SVEP1: variants seen among roughly 807,000 people sequenced by gnomAD.
SVEP1 encodes the protein sushi, von Willebrand factor type A, EGF and pentraxin domain containing 1.
A neutral mutation model predicts 367.3 loss-of-function variants in SVEP1; 164 were observed. That is an observed-to-expected ratio of 0.45 (90% confidence interval 0.39 to 0.51). The LOEUF (loss-of-function observed/expected upper bound fraction) is 0.51. Among genes scored for constraint, SVEP1 ranks in the 20% least tolerant of loss-of-function variants. SVEP1 has a pLI of 0.00. For missense variants in SVEP1, 4,117 were observed against 4,425.3 expected (o/e 0.93, Z 1.98); for synonymous variants, 1,666 against 1,611.6 (o/e 1.03, Z -0.81).
chr9:110,514,861 A>G (rs1829780171), intron 3 of SVEP1, among the ~76,000 whole-genome samples: 1 of 152,218 alleles, frequency 6.6e-6, no homozygotes, highest in African/African-American at 2.4e-5. Context: ...TCTCTTAGCA[A>G]AGGAGAATAA....
At chr9:110,388,764 T>C (rs1486432052) in intron 41 of SVEP1, among the ~76,000 whole-genome samples, 1 of 151,660 alleles carries the variant, frequency 6.6e-6, no homozygotes, top group Non-Finnish European at 1.5e-5. Context: ...AAGCCGGGAG[T>C]TCGAGACCAG....
rs1828468308 is a variant in SVEP1, at chr9:110,438,667, TATTG to T, written c.4640-2167_4640-2164del. Reference sequence around the variant, plus strand: ...TACATAATTATACGTATGTTTGAATTATTGATTATTTCCATTAGATTGATTTCTG... The same window carrying T: ...TACATAATTATACGTATGTTTGAATTATTATTTCCATTAGATTGATTTCTG... On this transcript the variant is annotated intron_variant, in intron 27 of 47. Coordinates refer to ENST00000374469, the MANE Select transcript of SVEP1 (RefSeq NM_153366.4). 3.3e-5 allele frequency among the ~76,000 whole-genome samples: 5 copies of T among 152,328 alleles called. No homozygotes were observed. In the South Asian group the frequency reaches 1.0e-3, roughly 32 times the overall value.
intron 35 of SVEP1, 103 bp downstream of exon 35, chr9:110,429,040 G>C (rs1251062147): frequency 2.0e-6 from 2 of 1,007,504 alleles, no homozygotes; most frequent in East Asian, 5.4e-5. Context: ...CTGCACTCTA[G>C]CCTGAGTGTC....
At chr9:110,384,857 A>G (rs1042538931) in intron 43 of SVEP1, among the ~76,000 whole-genome samples, 28 of 152,332 alleles carry the variant, frequency 1.8e-4, no homozygotes, top group African/African-American at 6.3e-4. Flanking sequence ...ACATTCTTAC[A>G]CTATGCAGCC....
chr9:110,411,428 C>T lies in SVEP1; in HGVS notation c.6283G>A (p.Glu2095Lys), dbSNP rs1364606099. 1 of 1,614,044 alleles carries T rather than the reference C, an allele frequency of 6.2e-7. No homozygotes were observed. The highest frequency in any genetic ancestry group is 1.7e-5 in the Admixed American group (1 of 60,008). Reference sequence around the variant, plus strand: ...GCAAATTTTGCTTTGCTCACAGATTCCAAGATGCTATAGGAAACCGATGGA... The same window carrying T: ...GCAAATTTTGCTTTGCTCACAGATTTCAAGATGCTATAGGAAACCGATGGA... ...KPPSVSYSIL[E>K]SVSKAKFAAG... The change falls in exon 37 of 48, where the codon GAA (glutamate) becomes AAA (lysine). Residue 2095 changes from glutamate to lysine, a missense_variant. By Grantham distance (56) the Glu-to-Lys change is moderately conservative (BLOSUM62 1). Coordinates refer to ENST00000374469, the MANE Select transcript of SVEP1 (RefSeq NM_153366.4).
At chr9:110,555,845 G>C (rs896089556) in intron 1 of SVEP1, among the ~76,000 whole-genome samples, 3 of 152,100 alleles carry the variant, frequency 2.0e-5, no homozygotes, top group Non-Finnish European at 4.4e-5. Context: ...CATCGTACTT[G>C]AATAAAAACA....
intron 3 of SVEP1, among the ~76,000 whole-genome samples, chr9:110,518,855 T>C (rs1450328822): frequency 6.6e-6 from 1 of 152,212 alleles, no homozygotes; most frequent in Non-Finnish European, 1.5e-5. Flanking sequence ...TGTTGCGACC[T>C]GAACAATTTT....
intron 1 of SVEP1, among the ~76,000 whole-genome samples, chr9:110,556,004 A>C (rs966473530): frequency 8.5e-5 from 13 of 152,222 alleles, no homozygotes; most frequent in African/African-American, 3.1e-4. Flanking sequence ...TTTGTGAGAC[A>C]TTTAAGAAAC....
Position 110,446,988 on chromosome 9 carries a change from T to G in SVEP1, c.4173A>C (p.Pro1391=), listed in dbSNP as rs191499064. 1.8e-5 allele frequency: 28 copies of G among 1,546,464 alleles called. No individual in the cohort carries two copies. In the African/African-American group the frequency reaches 3.7e-4, roughly 20 times the overall value. ...ELNINECQSN[P]CRNQATCVDE... is the part of the protein sequence containing the mutation. ...CCACACAGGTGGCCTGATTTCTACA[T>G]GGATTAGACTGACATTCATTGATGT... Residue 1391 remains proline, a synonymous_variant, in exon 25 of 48, where the codon CCA becomes CCC. Coordinates refer to ENST00000374469, the MANE Select transcript of SVEP1 (RefSeq NM_153366.4).
chr9:110,412,725 G>C (rs1222727994), intron 36 of SVEP1, among the ~76,000 whole-genome samples: 1 of 152,096 alleles, frequency 6.6e-6, no homozygotes, highest in Non-Finnish European at 1.5e-5. Flanking sequence ...CAAAAAGTGG[G>C]CAAAGGACAT....
At chr9:110,373,517 C>T (rs1426344806) in intron 46 of SVEP1, among the ~76,000 whole-genome samples, 1 of 152,070 alleles carries the variant, frequency 6.6e-6, no homozygotes, top group Admixed American at 6.5e-5. Context: ...CCTGTCTATA[C>T]TTTACATGCC....
intron 21 of SVEP1, among the ~76,000 whole-genome samples, chr9:110,456,388 T>C (rs1363634705): frequency 6.6e-6 from 1 of 152,142 alleles, no homozygotes; most frequent in African/African-American, 2.4e-5. Context: ...CCACCACTCA[T>C]TTACAGAATT....
At chr9:110,499,847 C>A (rs1829505965) in intron 6 of SVEP1, among the ~76,000 whole-genome samples, 1 of 152,146 alleles carries the variant, frequency 6.6e-6, no homozygotes, top group African/African-American at 2.4e-5. Flanking sequence ...TGCACACACC[C>A]ATAGGCACAT....
At chr9:110,411,843 C>A in intron 36 of SVEP1, 108 bp from the exon 37 acceptor site, 4 of 1,050,814 alleles carry the variant, frequency 3.8e-6, no homozygotes, top group Non-Finnish European at 4.0e-6. Flanking sequence ...TTAAATTTAT[C>A]TTTAAAATAA....
chr9:110,526,680 T>C (rs983045496), intron 3 of SVEP1, among the ~76,000 whole-genome samples: 1 of 152,144 alleles, frequency 6.6e-6, no homozygotes, highest in African/African-American at 2.4e-5. Context: ...TTCCTGGGCA[T>C]TTAGCCTAGT....
intron 40 of SVEP1, among the ~76,000 whole-genome samples, chr9:110,396,800 T>C (rs1481225952): frequency 6.6e-6 from 1 of 152,092 alleles, no homozygotes; most frequent in African/African-American, 2.4e-5. Context: ...CAGGAAGTAG[T>C]TGAATCTCTG....
At chr9:110,399,726 G>T (rs921871709) in intron 40 of SVEP1, among the ~76,000 whole-genome samples, 6 of 152,004 alleles carry the variant, frequency 3.9e-5, no homozygotes, top group Non-Finnish European at 7.4e-5. Flanking sequence ...TGGAGACTGG[G>T]TCTTACTATG....
intron 18 of SVEP1, among the ~76,000 whole-genome samples, chr9:110,460,216 A>T (rs1455377471): frequency 2.0e-5 from 3 of 152,184 alleles, no homozygotes; most frequent in African/African-American, 7.2e-5. Flanking sequence ...TATTTGGAAT[A>T]TGCTTTAATT....
chr9:110,374,113 G>C (rs1827315958), intron 46 of SVEP1, among the ~76,000 whole-genome samples: 1 of 152,084 alleles, frequency 6.6e-6, no homozygotes, highest in Admixed American at 6.5e-5. Context: ...ACTAAGCCTA[G>C]TTCCCAATAG....
Sources: gnomAD v4.1 joint callset for allele counts (sites outside exome capture counted in the v4.1 genomes callset) on GRCh38, gnomAD v4.1.1 for gene constraint, MANE v1.5 for transcripts, NCBI Gene and HGNC (gene_info 2026-07-23, HGNC 2026-07-21) for gene names.